The following LY96 variants were observed in gnomAD, a reference collection of about 807,000 sequenced individuals.
LY96 encodes the protein myeloid differentiation protein-2.
In LY96, 18 loss-of-function variants were observed where a neutral mutation model predicts 18.9. That is an observed-to-expected ratio of 0.95 (90% CI 0.66 to 1.41). LY96 has a LOEUF of 1.41. Ranked by LOEUF, LY96 falls within the 40% of genes most tolerant of loss-of-function variation. The probability of loss-of-function intolerance (pLI) is 0.00; values close to 1 mark genes in which losing one functional copy is unlikely to be tolerated. For synonymous variants in LY96, 66 were observed against 62.6 expected (o/e 1.06, Z -0.26); for missense variants, 175 against 182.4 (o/e 0.96, Z 0.23).
the LY96 span, among the ~76,000 whole-genome samples, chr8:74,068,609 C>T: frequency 0.037 from 5,695 of 152,182 alleles, 254 homozygotes; most frequent in African/African-American, 0.099. Context: ...CTCTCTAATA[C>T]TTGATATTGT....
the LY96 span, chr8:74,079,464 C>T: frequency 5.9e-5 from 9 of 152,250 alleles, no homozygotes; most frequent in South Asian, 2.1e-4. Context: ...TGGGAGTATA[C>T]TGGTCTCCAT....
chr8:74,085,252 C>T, the LY96 span, among the ~76,000 whole-genome samples: 1 of 152,160 alleles, frequency 6.6e-6, no homozygotes, highest in Non-Finnish European at 1.5e-5. Context: ...AACTTGCCAA[C>T]TAAAAGGTGA....
rs1254770419 is a variant in LY96, at chr8:74,029,011, T to G, written c.440T>G (p.Phe147Cys). Residue 147 changes from phenylalanine to cysteine, a missense_variant, in exon 5 of 5, where the codon TTT (phenylalanine) becomes TGT (cysteine). Physicochemically the swap from Phe to Cys is radical, Grantham distance 205. Coordinates refer to ENST00000284818, the MANE Select transcript of LY96 (RefSeq NM_015364.5). Reference protein sequence around the residue: ...AISGSPEEMLFCLEFVILHQP... With the variant: ...AISGSPEEMLCCLEFVILHQP... Reference sequence around the variant, plus strand: ...TCTGGGAGCCCAGAAGAAATGCTCTTTTGCTTGGAGTTTGTCATCCTACAC... The same window carrying G: ...TCTGGGAGCCCAGAAGAAATGCTCTGTTGCTTGGAGTTTGTCATCCTACAC... 6.2e-7 allele frequency: 1 copy of G among 1,612,442 alleles called. No homozygotes were observed. The highest frequency in any genetic ancestry group is 8.5e-7 in the Non-Finnish European group (1 of 1,179,140).
chr8:74,066,029 C>G, the LY96 span, among the ~76,000 whole-genome samples: 1 of 152,126 alleles, frequency 6.6e-6, no homozygotes, highest in Non-Finnish European at 1.5e-5. Context: ...GGGAAGGGTA[C>G]CATCTTAGTC....
chr8:74,014,975 G>C (rs952402032), intron 3 of LY96, among the ~76,000 whole-genome samples: 1 of 152,142 alleles, frequency 6.6e-6, no homozygotes, highest in African/African-American at 2.4e-5. Flanking sequence ...GTGAGGCCAA[G>C]GGAGGTGGGC....
chr8:74,025,384 G>C (rs958868848), intron 3 of LY96, among the ~76,000 whole-genome samples: 13 of 152,206 alleles, frequency 8.5e-5, no homozygotes, highest in Non-Finnish European at 1.5e-5. Context: ...GCTAGGTGTG[G>C]TGGTTTATGT....
the LY96 span, among the ~76,000 whole-genome samples, chr8:74,076,694 T>C: frequency 6.6e-6 from 1 of 152,068 alleles, no homozygotes; most frequent in Admixed American, 6.5e-5. Context: ...AGGGGATTAG[T>C]GTTAATTTTT....
the LY96 span, among the ~76,000 whole-genome samples, chr8:74,085,426 T>C: frequency 6.6e-6 from 1 of 152,200 alleles, no homozygotes; most frequent in South Asian, 2.1e-4. Context: ...AAGGTTGAAA[T>C]CTTCCACTAG....
intron 1 of LY96, among the ~76,000 whole-genome samples, chr8:74,002,494 A>G (rs560445710): frequency 1.3e-5 from 2 of 151,508 alleles, no homozygotes; most frequent in East Asian, 1.9e-4. Flanking sequence ...TACTTGGTCT[A>G]GTCTGCTGCT....
At chr8:74,094,246 G>T in the LY96 span, among the ~76,000 whole-genome samples, 13 of 150,660 alleles carry the variant, frequency 8.6e-5, no homozygotes, top group African/African-American at 3.2e-4. Context: ...TGAGGTAGTG[G>T]GTGTGTGTAT....
In LY96 at chr8:74,023,281, G is replaced by T. The variant is rs118148489; in HGVS notation, c.332-3508G>T. On this transcript the variant is annotated intron_variant, in intron 3 of 4. Coordinates refer to ENST00000284818, the MANE Select transcript of LY96 (RefSeq NM_015364.5). ...GGTGTGGGTGCCCTGCAGTATCTTG[G>T]GTGGGCATGACAGTGGCTGCCCTAC... 2.6e-4 allele frequency among the ~76,000 whole-genome samples: 39 copies of T among 152,208 alleles called. No individual in the cohort carries two copies. In the East Asian group the frequency reaches 7.6e-3, roughly 29 times the overall value.
chr8:74,035,310 T>C, the LY96 span, among the ~76,000 whole-genome samples: 1 of 152,100 alleles, frequency 6.6e-6, no homozygotes, highest in African/African-American at 2.4e-5. Flanking sequence ...TCTAAGTCCC[T>C]TGGCTTAGAG....
chr8:74,024,096 T>C (rs1219988962), intron 3 of LY96, among the ~76,000 whole-genome samples: 1 of 152,156 alleles, frequency 6.6e-6, no homozygotes, highest in East Asian at 1.9e-4. Context: ...AAAACTGCAA[T>C]TACTTTTACA....
chr8:74,081,431 T>A, the LY96 span, among the ~76,000 whole-genome samples: 1 of 148,264 alleles, frequency 6.7e-6, no homozygotes, highest in Admixed American at 6.8e-5. Flanking sequence ...AATTTAAAAT[T>A]TTTTTTTTTT....
chr8:74,036,810 G>C, the LY96 span, among the ~76,000 whole-genome samples: 1 of 152,190 alleles, frequency 6.6e-6, no homozygotes, highest in African/African-American at 2.4e-5. Flanking sequence ...TAAGCTCTCT[G>C]AGTAGCTCTG....
the LY96 span, among the ~76,000 whole-genome samples, chr8:74,096,734 TATATGACAC>T: frequency 6.6e-6 from 1 of 152,182 alleles, no homozygotes; most frequent in Non-Finnish European, 1.5e-5. Context: ...CCTATGATGG[TATATGACAC>T]ATAGCAGGTC....
chr8:74,016,917 C>A (rs1056468756), intron 3 of LY96, among the ~76,000 whole-genome samples: 3 of 152,142 alleles, frequency 2.0e-5, no homozygotes, highest in African/African-American at 7.2e-5. Flanking sequence ...CATCAAAGAC[C>A]AAAGGTAGGT....
chr8:74,070,201 C>T, the LY96 span, among the ~76,000 whole-genome samples: 5 of 152,070 alleles, frequency 3.3e-5, no homozygotes, highest in African/African-American at 1.2e-4. Context: ...AGGCCATTCT[C>T]CTGCCTCAGC....
the LY96 span, among the ~76,000 whole-genome samples, chr8:74,093,841 A>G: frequency 1.3e-5 from 2 of 152,158 alleles, no homozygotes; most frequent in Non-Finnish European, 2.9e-5. Flanking sequence ...AAGATAGCAT[A>G]TTATTTATTT....
Sources: gnomAD v4.1 joint callset for allele counts (sites outside exome capture counted in the v4.1 genomes callset) on GRCh38, gnomAD v4.1.1 for gene constraint, MANE v1.5 for transcripts, NCBI Gene and HGNC (gene_info 2026-07-23, HGNC 2026-07-21) for gene names.